The following ANLN variants were observed in gnomAD, a reference collection of about 807,000 sequenced individuals.
The protein encoded by ANLN is anillin.
Under a neutral mutation model 135.1 loss-of-function variants are expected in ANLN, and 59 were observed. The observed-to-expected ratio is 0.44, with a 90% CI of 0.35 to 0.54. The LOEUF (loss-of-function observed/expected upper bound fraction) is 0.54, where lower values mean the gene tolerates loss of function less well. ANLN is among the 20% of genes least tolerant of loss of function. The pLI is 0.00. For missense variants in ANLN, 1,182 were observed against 1,340.0 expected, an observed-to-expected ratio of 0.88 and a Z score of 1.84; for synonymous variants, 406 against 456.4, an observed-to-expected ratio of 0.89 and a Z score of 1.41.
intron 15 of ANLN, among the ~76,000 whole-genome samples, chr7:36,424,151 A>T (rs1252013671): frequency 6.6e-6 from 1 of 152,090 alleles, no homozygotes; most frequent in Non-Finnish European, 1.5e-5. Context: ...TTTCCACATG[A>T]CTGTAGGTAT....
chr7:36,392,963 GAT>G (rs1786541972), intron 1 of ANLN, among the ~76,000 whole-genome samples: 1 of 152,070 alleles, frequency 6.6e-6, no homozygotes, highest in Non-Finnish European at 1.5e-5. Flanking sequence ...GGAAGTGAGA[GAT>G]ATAGCAATTG....
At chr7:36,436,529 A>T (rs1788556921) in intron 20 of ANLN, among the ~76,000 whole-genome samples, 2 of 152,172 alleles carry the variant, frequency 1.3e-5, no homozygotes, top group Non-Finnish European at 2.9e-5. Context: ...TATTTTTAGG[A>T]ACTGCTAAAC....
Position 36,407,887 on chromosome 7 carries a change from C to T in ANLN, c.1027C>T (p.Pro343Ser). 3 of 1,613,812 alleles carry T rather than the reference C, an allele frequency of 1.9e-6. No individual in the cohort carries two copies. In the South Asian group the frequency reaches 3.3e-5, roughly 18 times the overall value. The change falls in exon 5 of 24, where the codon CCA becomes TCA. Residue 343 changes from proline to serine, a missense_variant. Physicochemically the swap from Pro to Ser is moderately conservative, Grantham distance 74. Transcript: ENST00000265748. The stretch of plus-strand genomic sequence containing the variant: ...GAAGTCAACTTTATCCCAGACAGTT[C>T]CATCCAAGGGAGAATTAAGTAGAGA... ...IVKSTLSQTV[P>S]SKGELSREIC...
At chr7:36,417,754 T>C (rs1447281974) in intron 9 of ANLN, among the ~76,000 whole-genome samples, 2 of 143,780 alleles carry the variant, frequency 1.4e-5, no homozygotes, top group African/African-American at 2.6e-5. Context: ...CTTGGCTCAC[T>C]GCAACCTCCA....
chr7:36,398,435 G>A lies in ANLN; in HGVS notation c.173-644G>A, dbSNP rs527289021. Among the ~76,000 whole-genome samples, 27 of 152,210 alleles carry A rather than the reference G, an allele frequency of 1.8e-4. 1 individual carries two copies. Among genetic ancestry groups the A allele is most frequent in the Admixed American group, 1.6e-3 (24 of 15,300 alleles). On this transcript the variant is annotated intron_variant, in intron 2 of 23. Transcript: ENST00000265748. Reference sequence around the variant, plus strand: ...TTGGCTCAGCTGTGTGACTTTAGGCGGGCAACTGAATTTCTCTAGGCTTGA... The same window carrying A: ...TTGGCTCAGCTGTGTGACTTTAGGCAGGCAACTGAATTTCTCTAGGCTTGA...
At position 36,452,699 on chromosome 7, in the gene ANLN, C is replaced by T. The variant is rs1789298099; in HGVS notation, c.*99C>T. 22 of 1,434,916 alleles carry T rather than the reference C, an allele frequency of 1.5e-5. No individual in the cohort carries two copies. Among genetic ancestry groups the T allele is most frequent in the Non-Finnish European group, 1.9e-5 (20 of 1,045,972 alleles). 88.9% of individuals were successfully genotyped at this position (1,434,916 alleles called of 1,614,324 possible). A position where few individuals can be genotyped will look rare whatever the true frequency, so the allele number is the denominator to read the frequency against. ...CTGATTGCATTTTATGCTTTAAGTA[C>T]GAAAGGGTTTGTGCCAATATTCACT... On this transcript the variant is annotated 3_prime_UTR_variant, in exon 24 of 24. Coordinates refer to ENST00000265748, the MANE Select transcript of ANLN (RefSeq NM_018685.5).
intron 22 of ANLN, among the ~76,000 whole-genome samples, chr7:36,444,729 A>C (rs1044679870): frequency 6.6e-6 from 1 of 152,048 alleles, no homozygotes; most frequent in African/African-American, 2.4e-5. Flanking sequence ...TTTTGGTTAG[A>C]TATGTTTTCA....
chr7:36,406,274 C>T lies in ANLN; in HGVS notation c.581C>T (p.Thr194Ile), dbSNP rs775849590. Residue 194 changes from threonine (T) to isoleucine (I), a missense_variant, in exon 4 of 24, where the codon ACT becomes ATT. Thr to Ile is a moderately conservative substitution (Grantham distance 89). Coordinates refer to ENST00000265748, the MANE Select transcript of ANLN (RefSeq NM_018685.5). ...PRPLLSNASA[T>I]PVGRRGRLAN... The stretch of plus-strand genomic sequence containing the variant: ...CCTCTGCTTTCAAATGCCTCGGCAA[C>T]TCCAGTTGGCAGAAGGGGCCGTCTG... The T allele has an allele frequency of 3.1e-6, 5 of 1,614,204 alleles. No homozygotes were observed. The highest frequency in any genetic ancestry group is 3.4e-6 in the Non-Finnish European group (4 of 1,180,010).
chr7:36,400,961 G>T (rs1786921638), intron 3 of ANLN, among the ~76,000 whole-genome samples: 1 of 152,112 alleles, frequency 6.6e-6, no homozygotes, highest in Non-Finnish European at 1.5e-5. Flanking sequence ...TTTTAGACTG[G>T]ATTAAACCAG....
rs1255624040 is a variant in ANLN at position 36,404,310 on chromosome 7, A to T, written c.488-1871A>T. Among the ~76,000 whole-genome samples, 4 of 152,202 alleles carry T rather than the reference A, an allele frequency of 2.6e-5. No individual in the cohort carries two copies. In the East Asian group the frequency reaches 7.7e-4, roughly 29 times the overall value. ...TAAGGTGAGAGAGACTTGAGCATCCAGTAGTCTCCCCACTTATCCGCTGGG... is the reference window on the plus strand; with the variant it reads ...TAAGGTGAGAGAGACTTGAGCATCCTGTAGTCTCCCCACTTATCCGCTGGG... On this transcript the variant is annotated intron_variant, in intron 3 of 23. Transcript: ENST00000265748.
chr7:36,444,740 A>C (rs575489624), intron 22 of ANLN, among the ~76,000 whole-genome samples: 4 of 152,062 alleles, frequency 2.6e-5, no homozygotes, highest in Non-Finnish European at 5.9e-5. Flanking sequence ...TATGTTTTCA[A>C]ACTTTTAAAA....
chr7:36,422,550 C>A, intron 13 of ANLN, 83 bp from the exon 14 acceptor site: 1 of 1,216,860 alleles, frequency 8.2e-7, no homozygotes, highest in East Asian at 2.5e-5. Flanking sequence ...GTACAGTTTC[C>A]ATATCAGTAC....
At position 36,415,970 on chromosome 7, in the gene ANLN, G is replaced by C. The variant is rs139024263; in HGVS notation, c.1522+86G>C. 46 of 1,242,928 alleles carry C rather than the reference G, an allele frequency of 3.7e-5. No homozygotes were observed. The East Asian group carries it at 1.1e-3, about 31-fold the overall frequency. The allele number at this position is 1,242,928 out of a possible 1,614,324, so 77.0% of individuals were successfully genotyped here. ...GATTTTGTATTCTGTAACTTTGCTGGATTTGTTTGTTCTAACGTTTTTTGG... is the reference window on the plus strand; with the variant it reads ...GATTTTGTATTCTGTAACTTTGCTGCATTTGTTTGTTCTAACGTTTTTTGG... On this transcript the variant is annotated intron_variant, in intron 8 of 23. Coordinates refer to ENST00000265748, the MANE Select transcript of ANLN (RefSeq NM_018685.5).
intron 17 of ANLN, 69 bp from the exon 18 acceptor site, chr7:36,425,633 G>T: frequency 8.3e-7 from 1 of 1,204,870 alleles, no homozygotes; most frequent in Non-Finnish European, 1.2e-6. Flanking sequence ...TCTCAAGGTT[G>T]GATAGTTTTA....
At chr7:36,411,914 G>A (rs1787429558) in intron 7 of ANLN, among the ~76,000 whole-genome samples, 1 of 152,068 alleles carries the variant, frequency 6.6e-6, no homozygotes, top group African/African-American at 2.4e-5. Flanking sequence ...TCACTGAAAT[G>A]CTGATGATGC....
intron 20 of ANLN, among the ~76,000 whole-genome samples, chr7:36,428,148 A>AG (rs749715104): frequency 3.3e-5 from 5 of 152,240 alleles, no homozygotes; most frequent in Non-Finnish European, 5.9e-5. Flanking sequence ...GACAAAAAGC[A>AG]GACTGTATTT....
chr7:36,451,736 TA>T (rs1789253301), intron 23 of ANLN, among the ~76,000 whole-genome samples: 1 of 152,142 alleles, frequency 6.6e-6, no homozygotes, highest in Non-Finnish European at 1.5e-5. Flanking sequence ...GGGGAGAACT[TA>T]AAAAGTTGTA....
chr7:36,435,906 T>C (rs967471219), intron 20 of ANLN, among the ~76,000 whole-genome samples: 7 of 143,376 alleles, frequency 4.9e-5, no homozygotes, highest in Non-Finnish European at 1.1e-4. Flanking sequence ...AAAAAAAGAT[T>C]TATCCATGCT....
At position 36,420,255 on chromosome 7, in the gene ANLN, T is replaced by C. The variant is rs145887844; in HGVS notation, c.1956T>C (p.Arg652=). 7.5e-5 allele frequency: 121 copies of C among 1,614,032 alleles called. No individual in the cohort carries two copies. The highest frequency in any genetic ancestry group is 9.8e-5 in the Non-Finnish European group (116 of 1,179,990). Residue 652 remains arginine, a synonymous_variant, in exon 11 of 24, where the codon CGT becomes CGC. Transcript: ENST00000265748. ...SPKPGKFQRT[R]VPRAESGDSL... ...AACCAGGAAAATTCCAAAGAACTCGTGTCCCTCGAGCTGAATCTGGTGATA... is the reference window on the plus strand; with the variant it reads ...AACCAGGAAAATTCCAAAGAACTCGCGTCCCTCGAGCTGAATCTGGTGATA...
Sources: gnomAD v4.1 joint callset for allele counts (sites outside exome capture counted in the v4.1 genomes callset) on GRCh38, gnomAD v4.1.1 for gene constraint, MANE v1.5 for transcripts, NCBI Gene and HGNC (gene_info 2026-07-23, HGNC 2026-07-21) for gene names.